Variants in TSPAN2 observed in about 807,000 individuals in gnomAD.
TSPAN2 encodes the protein tetraspanin 2.
Under a neutral mutation model 33.3 loss-of-function variants are expected in TSPAN2, and 24 were observed. The observed-to-expected ratio is 0.72, with a 90% CI of 0.52 to 1.01. TSPAN2 has a LOEUF of 1.01. TSPAN2 is among the 50% of genes least tolerant of loss of function. TSPAN2 has a pLI of 0.00. For missense variants in TSPAN2, 278 were observed against 281.3 expected (o/e 0.99, Z 0.08); for synonymous variants, 114 against 104.5 (o/e 1.09, Z -0.56).
At chr1:115,054,295 T>C (rs1647304985) in intron 6 of TSPAN2, among the ~76,000 whole-genome samples, 1 of 152,190 alleles carries the variant, frequency 6.6e-6, no homozygotes, top group African/African-American at 2.4e-5. Context: ...AAACCCTTAC[T>C]TCTCTCTTCG....
intron 6 of TSPAN2, among the ~76,000 whole-genome samples, chr1:115,055,860 T>C (rs72697910): frequency 0.19 from 28,230 of 152,182 alleles, 3,406 homozygotes; most frequent in East Asian, 0.45. Context: ...CTACAATTTA[T>C]CCAAACAATC....
At chr1:115,064,104 A>G (rs980609313) in intron 2 of TSPAN2, among the ~76,000 whole-genome samples, 2 of 152,152 alleles carry the variant, frequency 1.3e-5, no homozygotes, top group African/African-American at 4.8e-5. Context: ...CAAAGCTCTC[A>G]CTTCCATCAT....
Position 115,050,234 on chromosome 1 carries a change from C to T in TSPAN2, c.*256G>A. 1 of 443,514 alleles carries T rather than the reference C, an allele frequency of 2.3e-6. No homozygotes were observed. Among genetic ancestry groups the T allele is most frequent in the Non-Finnish European group, 4.0e-6 (1 of 250,682 alleles). 27.5% of individuals were successfully genotyped at this position (443,514 alleles called of 1,614,324 possible). On this transcript the variant is annotated 3_prime_UTR_variant, in exon 8 of 8. Transcript: ENST00000369516. ...ACAAGAATCAGGAATTCCCAGCAAA[C>T]AGATTTCATTACGTATAAAGCATAT...
At chr1:115,087,431 C>T (rs544297716) in intron 1 of TSPAN2, among the ~76,000 whole-genome samples, 2 of 151,556 alleles carry the variant, frequency 1.3e-5, no homozygotes, top group African/African-American at 2.4e-5. Context: ...CTGGCTAACA[C>T]GGTAAAATCC....
Position 115,053,431 on chromosome 1 carries a change from C to A in TSPAN2, c.548G>T (p.Ser183Ile). Residue 183 changes from serine to isoleucine, a missense_variant, in exon 7 of 8, where the codon AGT (serine) becomes ATT (isoleucine). Transcript: ENST00000369516. Reference sequence around the variant, plus strand: ...AATTCCAATGAGCTGGAGCTTAACACTGATTATGGTCTCAATTTCATCGAT... The same window carrying A: ...AATTCCAATGAGCTGGAGCTTAACAATGATTATGGTCTCAATTTCATCGAT... ...NCIDEIETII[S>I]VKLQLIGIVG... 6.2e-7 allele frequency: 1 copy of A among 1,613,940 alleles called. No individual in the cohort carries two copies. The highest frequency in any genetic ancestry group is 1.1e-5 in the South Asian group (1 of 91,078).
At chr1:115,088,199 G>A (rs563320541) in intron 1 of TSPAN2, among the ~76,000 whole-genome samples, 3 of 152,334 alleles carry the variant, frequency 2.0e-5, no homozygotes, top group Admixed American at 1.3e-4. Context: ...TGGAGTTGCT[G>A]AAGTCACCCA....
intron 2 of TSPAN2, among the ~76,000 whole-genome samples, chr1:115,069,332 G>A (rs904106436): frequency 3.3e-5 from 5 of 152,182 alleles, no homozygotes; most frequent in East Asian, 3.9e-4. Flanking sequence ...CCAGCTCCAC[G>A]GTGGGCATGA....
Position 115,053,480 on chromosome 1 carries a change from A to C in TSPAN2, c.517-18T>G, listed in dbSNP as rs369677459. The C allele has an allele frequency of 9.3e-6, 15 of 1,610,540 alleles. No homozygotes were observed. The highest frequency in any genetic ancestry group is 1.7e-6 in the Non-Finnish European group (2 of 1,177,172). Reference sequence around the variant, plus strand: ...ATGCAATTCTGTTTTGAGGAAAAAAAGTCGGGAATAAAAACTGATTGTATG... The same window carrying C: ...ATGCAATTCTGTTTTGAGGAAAAAACGTCGGGAATAAAAACTGATTGTATG... On this transcript the variant is annotated intron_variant, in intron 6 of 7. Coordinates refer to ENST00000369516, the MANE Select transcript of TSPAN2 (RefSeq NM_005725.6).
At chr1:115,080,395 C>T (rs1241143799) in intron 1 of TSPAN2, among the ~76,000 whole-genome samples, 3 of 152,078 alleles carry the variant, frequency 2.0e-5, no homozygotes, top group African/African-American at 7.2e-5. Flanking sequence ...TCCATCCTCC[C>T]ACCTCCTCCT....
intron 4 of TSPAN2, among the ~76,000 whole-genome samples, chr1:115,060,051 G>A (rs1272473208): frequency 1.3e-5 from 2 of 152,038 alleles, no homozygotes; most frequent in East Asian, 3.9e-4. Context: ...AGCAGTGTAG[G>A]CTCTGCTCTT....
chr1:115,072,836 C>A, intron 2 of TSPAN2, 69 bp downstream of exon 2: 1 of 1,353,998 alleles, frequency 7.4e-7, no homozygotes, highest in Non-Finnish European at 1.1e-6. Flanking sequence ...TCAAGTGCAG[C>A]TTCTGCTCTA....
In TSPAN2 at chr1:115,060,484, C is replaced by T. The variant is rs2101028052; in HGVS notation, c.325G>A (p.Ala109Thr). 6.2e-7 allele frequency: 1 copy of T among 1,613,314 alleles called. No individual in the cohort carries two copies. Among genetic ancestry groups the T allele is most frequent in the Admixed American group, 1.7e-5 (1 of 59,934 alleles). ...FAAEVTTGVF[A>T]FIGKGVAIRH... Reference sequence around the variant, plus strand: ...CTTACTACCCCCTTGCCTATAAAAGCAAATACTCCAGTGGTTACTTCAGCA... The same window carrying T: ...CTTACTACCCCCTTGCCTATAAAAGTAAATACTCCAGTGGTTACTTCAGCA... The change falls in exon 4 of 8, where the codon GCT (alanine) becomes ACT (threonine). Residue 109 changes from alanine (A) to threonine (T), a missense_variant. Coordinates refer to ENST00000369516, the MANE Select transcript of TSPAN2 (RefSeq NM_005725.6).
At position 115,060,541 on chromosome 1, in the gene TSPAN2, GT is replaced by G; in HGVS notation, c.271-4del. On this transcript the variant is annotated splice_polypyrimidine_tract_variant and splice_region_variant and intron_variant, in intron 3 of 7. Coordinates refer to ENST00000369516, the MANE Select transcript of TSPAN2 (RefSeq NM_005725.6). ...ATCACCAGGAGGCAGGTAAAAAACT[GT>G]AGAGGAGAGAAAATACTAATTTCAT... 6.2e-7 allele frequency: 1 copy of G among 1,610,218 alleles called. No homozygotes were observed.
Position 115,070,161 on chromosome 1 carries a change from C to T in TSPAN2, c.172+2744G>A, listed in dbSNP as rs189327450. On this transcript the variant is annotated intron_variant, in intron 2 of 7. Coordinates refer to ENST00000369516, the MANE Select transcript of TSPAN2 (RefSeq NM_005725.6). ...TACTTAGACCTGTAACTCAGGTTTCCATCAGAAAGTCATGAATTATTACTG... is the reference window on the plus strand; with the variant it reads ...TACTTAGACCTGTAACTCAGGTTTCTATCAGAAAGTCATGAATTATTACTG... 9.9e-5 allele frequency among the ~76,000 whole-genome samples: 15 copies of T among 152,256 alleles called. No homozygotes were observed. In the East Asian group the frequency reaches 2.9e-3, roughly 29 times the overall value.
At chr1:115,072,739 G>A (rs1405851574) in intron 2 of TSPAN2, among the ~76,000 whole-genome samples, 166 bp downstream of exon 2, 5 of 152,122 alleles carry the variant, frequency 3.3e-5, no homozygotes, top group African/African-American at 4.8e-5. Context: ...CAGACAACTC[G>A]GAGGGCTACA....
Position 115,079,523 on chromosome 1 carries a change from C to T in TSPAN2, c.70-6516G>A, listed in dbSNP as rs529722877. On this transcript the variant is annotated intron_variant, in intron 1 of 7. Coordinates refer to ENST00000369516, the MANE Select transcript of TSPAN2 (RefSeq NM_005725.6). The stretch of plus-strand genomic sequence containing the variant: ...TTTCTCAAAGAGGAAAACCAGCTCC[C>T]AAGATTTTTATTCTGTTATGCAGTA... Among the ~76,000 whole-genome samples the T allele has an allele frequency of 6.6e-5, 10 of 152,204 alleles. No individual in the cohort carries two copies. In the South Asian group the frequency reaches 2.1e-3, roughly 32 times the overall value.
chr1:115,079,656 G>A (rs1648551227), intron 1 of TSPAN2, among the ~76,000 whole-genome samples: 1 of 152,198 alleles, frequency 6.6e-6, no homozygotes, highest in Non-Finnish European at 1.5e-5. Context: ...GTCTCCGAAG[G>A]ACCTCACTAC....
At position 115,050,180 on chromosome 1, in the gene TSPAN2, G is replaced by T; in HGVS notation, c.*310C>A. On this transcript the variant is annotated 3_prime_UTR_variant, in exon 8 of 8. Transcript: ENST00000369516. ...AAAGCTCTTTGATCTTTTTTTTCTG[G>T]GAGCGAAATAGGTTGTTCTTCTTAT... 1 of 279,864 alleles carries T rather than the reference G, an allele frequency of 3.6e-6. No individual in the cohort carries two copies. Among genetic ancestry groups the T allele is most frequent in the Non-Finnish European group, 6.7e-6 (1 of 149,674 alleles). The allele number at this position is 279,864 out of a possible 1,614,324, so 17.3% of individuals were successfully genotyped here.
chr1:115,061,790 A>G (rs1334784589), intron 3 of TSPAN2, among the ~76,000 whole-genome samples: 1 of 151,994 alleles, frequency 6.6e-6, no homozygotes, highest in Non-Finnish European at 1.5e-5. Flanking sequence ...CTCCTGCCTC[A>G]GCCTCCTGAG....
Sources: gnomAD v4.1 joint callset for allele counts (sites outside exome capture counted in the v4.1 genomes callset) on GRCh38, gnomAD v4.1.1 for gene constraint, MANE v1.5 for transcripts, NCBI Gene and HGNC (gene_info 2026-07-23, HGNC 2026-07-21) for gene names.